Variants in ZFAND3 observed in about 807,000 individuals in gnomAD.
ZFAND3 encodes AN1-type zinc finger protein 3.
Under a neutral mutation model 29.6 loss-of-function variants are expected in ZFAND3, and 10 were observed. The ratio of observed to expected loss-of-function variants is 0.34; its 90% CI spans 0.21 to 0.57. The LOEUF (loss-of-function observed/expected upper bound fraction) is 0.57, where lower values mean the gene tolerates loss of function less well. Among genes scored for constraint, ZFAND3 ranks in the 20% least tolerant of loss-of-function variants. The probability of loss-of-function intolerance (pLI) is 0.86; values close to 1 mark genes in which losing one functional copy is unlikely to be tolerated. For missense variants in ZFAND3, 230 were observed against 304.5 expected (o/e 0.76, Z 1.82); for synonymous variants, 128 against 112.6 (o/e 1.14, Z -0.87).
At chr6:38,078,391 C>T (rs1004571211) in intron 3 of ZFAND3, among the ~76,000 whole-genome samples, 9 of 152,102 alleles carry the variant, frequency 5.9e-5, no homozygotes, top group South Asian at 2.1e-4. Context: ...AGGAAAAAGT[C>T]CTCTGAATGT....
intron 1 of ZFAND3, among the ~76,000 whole-genome samples, chr6:37,845,270 C>T (rs1764157436): frequency 6.6e-6 from 1 of 152,110 alleles, no homozygotes; most frequent in African/African-American, 2.4e-5. Context: ...AACTGAATTA[C>T]AGACAGCAGT....
chr6:38,027,965 G>C (rs569265725), intron 2 of ZFAND3, among the ~76,000 whole-genome samples: 23 of 152,284 alleles, frequency 1.5e-4, no homozygotes, highest in African/African-American at 5.5e-4. Flanking sequence ...TCTGAGGCTG[G>C]GCTTAAAGGT....
intron 1 of ZFAND3, among the ~76,000 whole-genome samples, chr6:37,907,942 C>T (rs148450593): frequency 9.8e-4 from 149 of 152,262 alleles, no homozygotes; most frequent in Non-Finnish European, 1.8e-3. Flanking sequence ...TACATAACCA[C>T]GATTTTATCA....
chr6:37,935,759 A>G (rs1018922469), intron 2 of ZFAND3, among the ~76,000 whole-genome samples: 2 of 152,192 alleles, frequency 1.3e-5, no homozygotes, highest in African/African-American at 4.8e-5. Flanking sequence ...TTGGAATCTA[A>G]TTTGCTTTGT....
At chr6:37,886,237 C>CAAAAAAAAAA (rs55661554) in intron 1 of ZFAND3, among the ~76,000 whole-genome samples, 5 of 95,304 alleles carry the variant, frequency 5.2e-5, no homozygotes, top group Non-Finnish European at 6.4e-5. Context: ...GACTCTGTCT[C>CAAAAAAAAAA]AAAAAAAAAA....
intron 2 of ZFAND3, among the ~76,000 whole-genome samples, chr6:37,975,399 A>AT (rs1438150126): frequency 3.3e-5 from 5 of 151,922 alleles, no homozygotes; most frequent in Admixed American, 2.0e-4. Flanking sequence ...GTTTGCAAAG[A>AT]TTTTTTCTTG....
rs1040491892 is a variant in ZFAND3 at position 38,030,538 on chromosome 6, A to G, written c.113-31055A>G. ...ACCCCAAACTAAAGTATTCAGAGAAAAGGACACATTTCATTCCAAGAAGCA... is the reference window on the plus strand; with the variant it reads ...ACCCCAAACTAAAGTATTCAGAGAAGAGGACACATTTCATTCCAAGAAGCA... On this transcript the variant is annotated intron_variant, in intron 2 of 5. Coordinates refer to ENST00000287218, the MANE Select transcript of ZFAND3 (RefSeq NM_021943.3). Among the ~76,000 whole-genome samples, 5 of 152,166 alleles carry G rather than the reference A, an allele frequency of 3.3e-5. No individual in the cohort carries two copies. The East Asian group carries it at 5.8e-4, about 18-fold the overall frequency.
chr6:38,153,397 T>G lies in ZFAND3; in HGVS notation c.*1008T>G, dbSNP rs1766276829. ...CCCGTGCCTCCAGGGGCCAAGAGGA[T>G]GATGTCGTGGCCTCCATTCTCGTTT... On this transcript the variant is annotated 3_prime_UTR_variant, in exon 6 of 6. Transcript: ENST00000287218. The G allele has an allele frequency of 2.0e-6, 2 of 985,512 alleles. No individual in the cohort carries two copies. Among genetic ancestry groups the G allele is most frequent in the Non-Finnish European group, 2.4e-6 (2 of 829,956 alleles). 61.0% of individuals were successfully genotyped at this position (985,512 alleles called of 1,614,324 possible).
chr6:37,868,991 G>A (rs980546735), intron 1 of ZFAND3, among the ~76,000 whole-genome samples: 1 of 152,186 alleles, frequency 6.6e-6, no homozygotes, highest in African/African-American at 2.4e-5. Flanking sequence ...AACAAATTCA[G>A]TTAGTAGAGT....
chr6:38,129,431 T>C (rs1436432252), intron 5 of ZFAND3, among the ~76,000 whole-genome samples: 1 of 152,232 alleles, frequency 6.6e-6, no homozygotes, highest in African/African-American at 2.4e-5. Flanking sequence ...TTTCCAATGT[T>C]ATCTTTTAGA....
chr6:37,828,761 C>T (rs116466698), intron 1 of ZFAND3, among the ~76,000 whole-genome samples: 10,014 of 152,096 alleles, frequency 0.066, 392 homozygotes, highest in Non-Finnish European at 0.085. Context: ...CCGATTTCTT[C>T]TGCCTCAGCC....
intron 5 of ZFAND3, among the ~76,000 whole-genome samples, chr6:38,150,424 G>T (rs7747924): frequency 9.9e-5 from 15 of 152,154 alleles, no homozygotes; most frequent in Admixed American, 6.5e-4. Context: ...CATGTCCCTT[G>T]CACACAGCCT....
chr6:37,935,093 G>A (rs1761674289), intron 2 of ZFAND3, among the ~76,000 whole-genome samples: 1 of 152,084 alleles, frequency 6.6e-6, no homozygotes, highest in Admixed American at 6.6e-5. Context: ...GGACCTTTTA[G>A]TTGATATATA....
At chr6:37,997,814 A>G (rs1349656906) in intron 2 of ZFAND3, among the ~76,000 whole-genome samples, 4 of 152,334 alleles carry the variant, frequency 2.6e-5, no homozygotes, top group Middle Eastern at 3.4e-3. Flanking sequence ...CTTTGAAAAG[A>G]GTGGCTAGCA....
intron 5 of ZFAND3, among the ~76,000 whole-genome samples, chr6:38,125,084 T>C (rs1195749306): frequency 1.3e-5 from 2 of 152,200 alleles, no homozygotes; most frequent in Non-Finnish European, 2.9e-5. Context: ...ATGGGAGTTA[T>C]TATATATGTG....
chr6:37,867,674 C>T (rs556416719), intron 1 of ZFAND3, among the ~76,000 whole-genome samples: 2 of 152,218 alleles, frequency 1.3e-5, no homozygotes, highest in African/African-American at 2.4e-5. Context: ...ACTGCCTATT[C>T]GCCATAGTTA....
chr6:38,091,691 C>CTTTTT lies in ZFAND3; in HGVS notation c.361+9246_361+9250dup, dbSNP rs34406765. Among the ~76,000 whole-genome samples, 234 of 129,828 alleles carry CTTTTT rather than the reference C, an allele frequency of 1.8e-3. 6 individuals are homozygous for CTTTTT. The highest frequency in any genetic ancestry group is 7.6e-3 in the East Asian group (32 of 4,196). The allele number at this position is 129,828 out of a possible 152,430, so 85.2% of individuals were successfully genotyped here. A position where few individuals can be genotyped will look rare whatever the true frequency, so the allele number is the denominator to read the frequency against. On this transcript the variant is annotated intron_variant, in intron 4 of 5. Coordinates refer to ENST00000287218, the MANE Select transcript of ZFAND3 (RefSeq NM_021943.3). ...GCAATGATACTGCCCATTAAGGAGCCTTTTTTTTTTTTTTTTGCCCCACTC... is the reference window on the plus strand; with the variant it reads ...GCAATGATACTGCCCATTAAGGAGCCTTTTTTTTTTTTTTTTTTTTTGCCCCACTC...
chr6:37,909,567 C>T (rs904507913), intron 1 of ZFAND3, among the ~76,000 whole-genome samples: 1 of 151,690 alleles, frequency 6.6e-6, no homozygotes, highest in African/African-American at 2.4e-5. Context: ...AGGCAGGAGC[C>T]ACTGCGCTCA....
At chr6:37,832,951 A>G (rs1325496730) in intron 1 of ZFAND3, 1 of 152,174 alleles carries the variant, frequency 6.6e-6, no homozygotes, top group African/African-American at 2.4e-5. Flanking sequence ...GCCTCCCAAA[A>G]CATTGGGACG....
Sources: allele counts gnomAD v4.1 joint callset (sites outside exome capture counted in the v4.1 genomes callset), GRCh38; gene constraint gnomAD v4.1.1; transcripts MANE v1.5; gene names NCBI Gene and HGNC (gene_info 2026-07-23, HGNC 2026-07-21).